GARIN6: variants seen among roughly 807,000 people sequenced by gnomAD.
The protein encoded by GARIN6 is Golgi-associated RAB2 interactor protein 6.
At chr12:99,648,060 A>G in the GARIN6 span, 2,408 of 1,426,004 alleles carry the variant, frequency 1.7e-3, 39 homozygotes, top group African/African-American at 0.03. Context: ...GAAAGCCTGC[A>G]GAACACGACT....
At chr12:99,648,429 C>T in the GARIN6 span, 2 of 1,614,180 alleles carry the variant, frequency 1.2e-6, no homozygotes, top group African/African-American at 1.3e-5. Flanking sequence ...TACCTGATGT[C>T]ATGCTGCTGG....
At chr12:99,647,884 A>T in the GARIN6 span, 1 of 401,814 alleles carries the variant, frequency 2.5e-6, no homozygotes, top group East Asian at 3.8e-5. Context: ...GAGCACTGAC[A>T]CCTGTGTGCC....
At chr12:99,649,384 A>G in the GARIN6 span, 2 of 1,613,664 alleles carry the variant, frequency 1.2e-6, no homozygotes, top group Non-Finnish European at 1.7e-6. Context: ...TTGTGATTAT[A>G]CAATAGAGAT....
the GARIN6 span, chr12:99,649,235 A>G: frequency 3.0e-6 from 4 of 1,339,220 alleles, no homozygotes; most frequent in Middle Eastern, 1.8e-4. Context: ...CTATAGGAAG[A>G]GAAAGGAGAT....
the GARIN6 span, chr12:99,650,094 A>G: frequency 1.3e-5 from 2 of 152,374 alleles, no homozygotes; most frequent in Admixed American, 1.3e-4. Flanking sequence ...GAAGGGTAGC[A>G]ATAAAACTAA....
chr12:99,648,512 A>T, the GARIN6 span: 1 of 1,614,162 alleles, frequency 6.2e-7, no homozygotes, highest in Non-Finnish European at 8.5e-7. Context: ...CCGCCTGCAG[A>T]GATCTTAGAA....
the GARIN6 span, chr12:99,649,302 G>A: frequency 2.5e-6 from 4 of 1,613,928 alleles, no homozygotes; most frequent in Non-Finnish European, 3.4e-6. Flanking sequence ...ATGCCATGAA[G>A]TTTTGTGAAG....
the GARIN6 span, chr12:99,649,267 G>A: frequency 6.3e-7 from 1 of 1,581,774 alleles, no homozygotes. Context: ...CACTGTCTTT[G>A]CTTATTTGTT....
the GARIN6 span, chr12:99,648,550 G>A: frequency 6.2e-7 from 1 of 1,614,154 alleles, no homozygotes; most frequent in Admixed American, 1.7e-5. Flanking sequence ...CTTGATGTTT[G>A]TGAAAATAAC....
Sources: allele counts gnomAD v4.1 joint callset, GRCh38; gene constraint gnomAD v4.1.1; transcripts MANE v1.5; gene names NCBI Gene and HGNC (gene_info 2026-07-23, HGNC 2026-07-21).